SCOC: variants seen among roughly 807,000 people sequenced by gnomAD.
SCOC encodes short coiled coil protein.
SCOC carries 7 observed loss-of-function variants against 9.9 expected under a neutral mutation model. That is an observed-to-expected ratio of 0.71 (90% confidence interval 0.40 to 1.33). The LOEUF (loss-of-function observed/expected upper bound fraction) is 1.33. Ranked by LOEUF, SCOC falls within the 40% of genes most tolerant of loss-of-function variation. The pLI is 0.01. For missense variants in SCOC, 66 were observed against 89.7 expected (o/e 0.74, Z 1.07); for synonymous variants, 19 against 28.2 (o/e 0.67, Z 1.03).
chr4:140,336,882 C>A (rs548993655), intron 1 of SCOC, among the ~76,000 whole-genome samples: 1 of 152,286 alleles, frequency 6.6e-6, no homozygotes, highest in East Asian at 1.9e-4. Context: ...ATATCTTCAC[C>A]AATGCTTAAT....
intron 1 of SCOC, among the ~76,000 whole-genome samples, chr4:140,266,511 A>G (rs1481976929): frequency 1.3e-5 from 2 of 152,070 alleles, no homozygotes; most frequent in African/African-American, 2.4e-5. Context: ...TTACCTAATT[A>G]TCTCCCAAAG....
intron 1 of SCOC, among the ~76,000 whole-genome samples, chr4:140,285,677 A>C (rs1731245479): frequency 6.6e-6 from 1 of 152,212 alleles, no homozygotes; most frequent in Non-Finnish European, 1.5e-5. Context: ...TTTCTCTTGT[A>C]ATACAGGCTA....
At chr4:140,315,254 C>T (rs1341566827) in intron 1 of SCOC, among the ~76,000 whole-genome samples, 1 of 152,188 alleles carries the variant, frequency 6.6e-6, no homozygotes, top group Admixed American at 6.5e-5. Context: ...AAGTAGTAGA[C>T]AGTAGCTTAG....
upstream of SCOC, among the ~76,000 whole-genome samples, chr4:140,339,849 G>C (rs965280872): frequency 1.3e-5 from 2 of 152,178 alleles, no homozygotes; most frequent in Admixed American, 1.3e-4. Context: ...TTACACTGTT[G>C]GTGGGACTGC....
At chr4:140,260,763 A>G (rs1039233366) in intron 1 of SCOC, among the ~76,000 whole-genome samples, 13 of 152,330 alleles carry the variant, frequency 8.5e-5, no homozygotes, top group Admixed American at 3.3e-4. Flanking sequence ...TATTCTATTT[A>G]TGTGTAATAT....
At chr4:140,292,889 C>T (rs773674061) in intron 1 of SCOC, among the ~76,000 whole-genome samples, 44 of 152,200 alleles carry the variant, frequency 2.9e-4, no homozygotes, top group Non-Finnish European at 5.9e-4. Flanking sequence ...TTGGTTTAAG[C>T]ATCACTGGGG....
At chr4:140,362,153 T>C (rs1578859664) in intron 2 of SCOC, among the ~76,000 whole-genome samples, 1 of 150,898 alleles carries the variant, frequency 6.6e-6, no homozygotes, top group African/African-American at 2.4e-5. Context: ...TGGCCATATC[T>C]TTGCTTCACA....
chr4:140,259,994 A>T (rs1026261161), intron 1 of SCOC, among the ~76,000 whole-genome samples: 5 of 151,992 alleles, frequency 3.3e-5, no homozygotes, highest in African/African-American at 1.2e-4. Context: ...CCATTCCTTG[A>T]GGTTGGGTCA....
chr4:140,311,137 G>A (rs887992738), intron 1 of SCOC, among the ~76,000 whole-genome samples: 1 of 152,178 alleles, frequency 6.6e-6, no homozygotes, highest in East Asian at 1.9e-4. Context: ...TTGGGAGGCT[G>A]AAGTGGGAGG....
intron 1 of SCOC, among the ~76,000 whole-genome samples, chr4:140,329,081 C>T (rs11943235): frequency 0.17 from 26,068 of 152,122 alleles, 2,487 homozygotes; most frequent in African/African-American, 0.24. Flanking sequence ...AAAACAGCAT[C>T]GTATTGGTAT....
chr4:140,315,979 C>T (rs1004291893), intron 1 of SCOC, among the ~76,000 whole-genome samples: 3 of 152,104 alleles, frequency 2.0e-5, no homozygotes, highest in African/African-American at 7.2e-5. Context: ...TAAGTCCCAT[C>T]ACCAGGTCTC....
intron 2 of SCOC, among the ~76,000 whole-genome samples, chr4:140,356,261 C>A (rs1727225444): frequency 6.6e-6 from 1 of 152,106 alleles, no homozygotes. Context: ...CTGTTTTGTT[C>A]CTAAGTTATT....
intron 1 of SCOC, among the ~76,000 whole-genome samples, chr4:140,287,252 T>C (rs1245450675): frequency 7.1e-6 from 1 of 140,962 alleles, no homozygotes; most frequent in Non-Finnish European, 1.5e-5. Flanking sequence ...TGTACACACA[T>C]GCTAAATGCG....
intron 1 of SCOC, among the ~76,000 whole-genome samples, chr4:140,281,576 A>C (rs1731098155): frequency 6.6e-6 from 1 of 152,180 alleles, no homozygotes; most frequent in Non-Finnish European, 1.5e-5. Flanking sequence ...TTGTGGCCTC[A>C]GTCTTTTTCA....
intron 1 of SCOC, among the ~76,000 whole-genome samples, chr4:140,298,997 T>C (rs1011582915): frequency 6.6e-6 from 1 of 152,116 alleles, no homozygotes; most frequent in Admixed American, 6.6e-5. Flanking sequence ...TTCTATTTTT[T>C]TGTGGAGACA....
chr4:140,309,798 T>G (rs1025989898), intron 1 of SCOC, among the ~76,000 whole-genome samples: 1 of 152,152 alleles, frequency 6.6e-6, no homozygotes, highest in African/African-American at 2.4e-5. Flanking sequence ...AAATCCACTT[T>G]TCCATTCCTG....
intron 1 of SCOC, among the ~76,000 whole-genome samples, chr4:140,332,959 C>T (rs1732861886): frequency 2.6e-5 from 4 of 152,116 alleles, no homozygotes; most frequent in Admixed American, 2.6e-4. Flanking sequence ...CTCTGCATAA[C>T]GTATCCCATC....
At chr4:140,311,352 A>G (rs575733685) in intron 1 of SCOC, among the ~76,000 whole-genome samples, 9 of 152,268 alleles carry the variant, frequency 5.9e-5, no homozygotes, top group African/African-American at 2.2e-4. Context: ...ATATTCAACT[A>G]CCAATGCTGT....
rs34147327 is a variant in SCOC at position 140,361,228 on chromosome 4, G to GT, written c.70+17535dup. On this transcript the variant is annotated intron_variant, in intron 2 of 4. Coordinates refer to the SCOC transcript ENST00000338517. ...ATGGTCCCTTGCAGCACGGCAGTGG[G>GT]TTTTTTTTTTTTTTTCTGGAAAGTG... 6.6e-4 allele frequency among the ~76,000 whole-genome samples: 97 copies of GT among 146,108 alleles called. 2 individuals are homozygous for GT. The highest frequency in any genetic ancestry group is 1.2e-3 in the Non-Finnish European group (81 of 66,366).
Sources: gnomAD v4.1 joint callset for allele counts (sites outside exome capture counted in the v4.1 genomes callset) on GRCh38, gnomAD v4.1.1 for gene constraint, MANE v1.5 for transcripts, NCBI Gene and HGNC (gene_info 2026-07-23, HGNC 2026-07-21) for gene names.